The following POGLUT1 variants were observed in gnomAD, a reference collection of about 807,000 sequenced individuals.
POGLUT1 encodes 9630046K23Rik.
A neutral mutation model predicts 61.3 loss-of-function variants in POGLUT1; 32 were observed. That is an observed-to-expected ratio of 0.52 (90% CI 0.39 to 0.70). The LOEUF (loss-of-function observed/expected upper bound fraction) is 0.70. Ranked by LOEUF, POGLUT1 falls within the 30% of genes least tolerant of loss-of-function variation. The pLI is 0.00. For synonymous variants in POGLUT1, 158 were observed against 158.2 expected, an observed-to-expected ratio of 1.00 and a Z score of 0.01; for missense variants, 411 against 469.8, an observed-to-expected ratio of 0.87 and a Z score of 1.16.
chr3:119,471,195 C>A, intron 2 of POGLUT1, 114 bp from the exon 3 acceptor site: 3 of 885,640 alleles, frequency 3.4e-6, no homozygotes, highest in South Asian at 1.6e-5. Context: ...ACTCTCGATT[C>A]TTTCCTTCCA....
At position 119,475,954 on chromosome 3, in the gene POGLUT1, C is replaced by CCACACACACACACA. The variant is rs539140166; in HGVS notation, c.321-1332_321-1319dup. ...TGGACAACATACCAAGACTGTCTCT[C>CCACACACACACACA]CACACACACACACACACACACACAC... On this transcript the variant is annotated intron_variant, in intron 3 of 10. Transcript: ENST00000295588. Among the ~76,000 whole-genome samples, 456 of 130,932 alleles carry CCACACACACACACA rather than the reference C, an allele frequency of 3.5e-3. 5 individuals carry two copies. The highest frequency in any genetic ancestry group is 6.0e-3 in the Non-Finnish European group (374 of 62,776). 85.9% of individuals were successfully genotyped at this position (130,932 alleles called of 152,430 possible).
At chr3:119,491,216 AAT>A (rs2081740802) in intron 9 of POGLUT1, among the ~76,000 whole-genome samples, 1 of 148,038 alleles carries the variant, frequency 6.8e-6, no homozygotes, top group Non-Finnish European at 1.5e-5. Context: ...TATGTAAAAT[AAT>A]ATAAATATCT....
chr3:119,480,244 A>G, intron 5 of POGLUT1, 72 bp downstream of exon 5: 1 of 1,248,832 alleles, frequency 8.0e-7, no homozygotes, highest in Non-Finnish European at 1.1e-6. Context: ...AATATAACCA[A>G]TTATTTACTT....
At chr3:119,478,888 C>CAAA (rs367802266) in intron 4 of POGLUT1, among the ~76,000 whole-genome samples, 3 of 86,000 alleles carry the variant, frequency 3.5e-5, no homozygotes, top group Admixed American at 1.2e-4. Context: ...GCAGGTGGAT[C>CAAA]AAAAAAAAAA....
At chr3:119,473,836 T>G (rs1244580093) in intron 3 of POGLUT1, among the ~76,000 whole-genome samples, 1 of 151,980 alleles carries the variant, frequency 6.6e-6, no homozygotes, top group Non-Finnish European at 1.5e-5. Context: ...AATTTTTGTG[T>G]TTTTAGTAGA....
intron 5 of POGLUT1, 109 bp downstream of exon 5, chr3:119,480,281 C>T (rs1380023510): frequency 3.4e-6 from 3 of 880,616 alleles, no homozygotes; most frequent in Non-Finnish European, 3.2e-6. Flanking sequence ...GGAGTTTCGC[C>T]CTTTTTGCCC....
rs1250648122 is a variant in POGLUT1, at chr3:119,493,526, T to A, written c.*1088T>A. On this transcript the variant is annotated 3_prime_UTR_variant, in exon 11 of 11. Transcript: ENST00000295588. ...AAATGTTTAGATTAAAACTCTGTAGTCTGATGACTTAGAACCATCCTTGAC... is the reference window on the plus strand; with the variant it reads ...AAATGTTTAGATTAAAACTCTGTAGACTGATGACTTAGAACCATCCTTGAC... The A allele has an allele frequency of 6.6e-6, 1 of 152,228 alleles. No individual in the cohort carries two copies. The highest frequency in any genetic ancestry group is 1.5e-5 in the Non-Finnish European group (1 of 68,036). 9.4% of individuals were successfully genotyped at this position (152,228 alleles called of 1,614,324 possible).
At chr3:119,473,502 C>G (rs1426366379) in intron 3 of POGLUT1, among the ~76,000 whole-genome samples, 1 of 152,084 alleles carries the variant, frequency 6.6e-6, no homozygotes, top group Non-Finnish European at 1.5e-5. Flanking sequence ...TGAAAGTTCC[C>G]TATCCTAGCT....
Position 119,486,828 on chromosome 3 carries a change from TA to T in POGLUT1, c.639-4del. 1 of 1,601,984 alleles carries T rather than the reference TA, an allele frequency of 6.2e-7. No homozygotes were observed. Among genetic ancestry groups the T allele is most frequent in the Non-Finnish European group, 8.6e-7 (1 of 1,168,924 alleles). On this transcript the variant is annotated splice_polypyrimidine_tract_variant and splice_region_variant and intron_variant, in intron 6 of 10. Transcript: ENST00000295588. ...ACAGTTTTATGTCACGTGTTTCTTTTATAGGACAAGTCCAGAACGAGATCCT... is the reference window on the plus strand; with the variant it reads ...ACAGTTTTATGTCACGTGTTTCTTTTTAGGACAAGTCCAGAACGAGATCCT...
chr3:119,487,874 G>C (rs1560038483), intron 7 of POGLUT1, among the ~76,000 whole-genome samples: 1 of 152,080 alleles, frequency 6.6e-6, no homozygotes, highest in African/African-American at 2.4e-5. Flanking sequence ...AGAATCTCTG[G>C]GAATGGTGTC....
At position 119,470,571 on chromosome 3, in the gene POGLUT1, G is replaced by A. The variant is rs190089674; in HGVS notation, c.176+661G>A. ...AGCCTGGGTGACAGAGTGAGACTCCGTCTCAAAAAAGAGAGAGAATGCACA... is the reference window on the plus strand; with the variant it reads ...AGCCTGGGTGACAGAGTGAGACTCCATCTCAAAAAAGAGAGAGAATGCACA... On this transcript the variant is annotated intron_variant, in intron 2 of 10. Coordinates refer to ENST00000295588, the MANE Select transcript of POGLUT1 (RefSeq NM_152305.3). 3.2e-3 allele frequency among the ~76,000 whole-genome samples: 488 copies of A among 152,212 alleles called. 2 individuals are homozygous for A. The highest frequency in any genetic ancestry group is 9.6e-3 in the African/African-American group (398 of 41,536).
chr3:119,481,095 T>C (rs6776387), intron 5 of POGLUT1, among the ~76,000 whole-genome samples: 18,016 of 152,078 alleles, frequency 0.12, 2,701 homozygotes, highest in African/African-American at 0.35. Flanking sequence ...CATTCTTTCA[T>C]AGTAAGAAAA....
chr3:119,478,934 CT>C (rs998223317), intron 4 of POGLUT1, among the ~76,000 whole-genome samples: 3 of 145,600 alleles, frequency 2.1e-5, no homozygotes, highest in Non-Finnish European at 4.5e-5. Context: ...AAACTTTTTT[CT>C]TTTTTTTGAG....
At chr3:119,487,300 T>C (rs1307096840) in intron 7 of POGLUT1, among the ~76,000 whole-genome samples, 1 of 152,188 alleles carries the variant, frequency 6.6e-6, no homozygotes, top group African/African-American at 2.4e-5. Context: ...ATTAAAACTT[T>C]ATTACGGCCA....
chr3:119,484,640 A>T (rs533620134), intron 5 of POGLUT1, among the ~76,000 whole-genome samples: 5 of 152,160 alleles, frequency 3.3e-5, no homozygotes, highest in Admixed American at 6.5e-5. Context: ...TCCATTTCTG[A>T]TGCTTTTTTA....
At chr3:119,482,472 T>A (rs1196249750) in intron 5 of POGLUT1, among the ~76,000 whole-genome samples, 2 of 152,206 alleles carry the variant, frequency 1.3e-5, no homozygotes, top group African/African-American at 4.8e-5. Context: ...CAAGGTGTTA[T>A]CCAGTTACTC....
chr3:119,476,776 T>C (rs2081542238), intron 3 of POGLUT1, among the ~76,000 whole-genome samples: 1 of 152,220 alleles, frequency 6.6e-6, no homozygotes. Context: ...ATAACACTTT[T>C]TCTGGCTTGC....
rs1327532402 is a variant in POGLUT1, at chr3:119,492,423, GA to G, written c.1168del (p.Thr390LeufsTer28). 6.2e-7 allele frequency: 1 copy of G among 1,601,200 alleles called. No individual in the cohort carries two copies. Among genetic ancestry groups the G allele is most frequent in the East Asian group, 2.3e-5 (1 of 44,118 alleles). On this transcript the variant is annotated frameshift_variant, in exon 11 of 11. Transcript: ENST00000295588. LOFTEE classifies it high-confidence loss of function. ...ATGATCAAATTATTCCCAAAATGTT[GA>G]AAACTGAACTATAGTAGTCATCATA... is the stretch of plus-strand genomic sequence containing the variant. ...GYDQIIPKML[K>X]TEL
At chr3:119,483,388 G>A (rs896715857) in intron 5 of POGLUT1, among the ~76,000 whole-genome samples, 1 of 152,214 alleles carries the variant, frequency 6.6e-6, no homozygotes, top group Non-Finnish European at 1.5e-5. Context: ...TGGAAAGGCA[G>A]TGTAGGTTTT....
Sources: gnomAD v4.1 joint callset for allele counts (sites outside exome capture counted in the v4.1 genomes callset) on GRCh38, gnomAD v4.1.1 for gene constraint, MANE v1.5 for transcripts, NCBI Gene and HGNC (gene_info 2026-07-23, HGNC 2026-07-21) for gene names.